The following PLCB1 variants were observed in gnomAD, a reference collection of about 807,000 sequenced individuals.
PLCB1 encodes phospholipase C beta 1.
A neutral mutation model predicts 161.8 loss-of-function variants in PLCB1; 46 were observed. The observed-to-expected ratio is 0.28, with a 90% CI of 0.22 to 0.36. The LOEUF (loss-of-function observed/expected upper bound fraction) is 0.36. Ranked by LOEUF, PLCB1 falls within the 10% of genes least tolerant of loss-of-function variation. The pLI is 1.00. For missense variants in PLCB1, 1,016 were observed against 1,472.5 expected (o/e 0.69, Z 5.07); for synonymous variants, 517 against 503.7 (o/e 1.03, Z -0.35).
At chr20:8,238,947 T>C (rs1198349631) in intron 2 of PLCB1, among the ~76,000 whole-genome samples, 2 of 151,462 alleles carry the variant, frequency 1.3e-5, no homozygotes, top group Non-Finnish European at 2.9e-5. Flanking sequence ...GAGTGTAGCA[T>C]CATTGGTCGA....
intron 27 of PLCB1, among the ~76,000 whole-genome samples, chr20:8,779,331 C>G (rs561665170): frequency 6.6e-6 from 1 of 151,818 alleles, no homozygotes; most frequent in Non-Finnish European, 1.5e-5. Context: ...GTATAATAAA[C>G]AGTACTAAGA....
chr20:8,478,113 C>T (rs1982356584), intron 3 of PLCB1, among the ~76,000 whole-genome samples: 1 of 152,138 alleles, frequency 6.6e-6, no homozygotes, highest in South Asian at 2.1e-4. Flanking sequence ...TGTTAATTTG[C>T]AGTGGTAGCA....
intron 31 of PLCB1, chr20:8,881,047 G>A (rs529577327): frequency 5.3e-4 from 86 of 161,812 alleles, no homozygotes; most frequent in Middle Eastern, 3.2e-3. Context: ...TTGTATTTTA[G>A]TAGGGATGGA....
chr20:8,346,590 A>G (rs979664330), intron 2 of PLCB1, among the ~76,000 whole-genome samples: 1 of 152,176 alleles, frequency 6.6e-6, no homozygotes. Context: ...TTAATCTTGT[A>G]TTTTGTTGTT....
intron 10 of PLCB1, among the ~76,000 whole-genome samples, chr20:8,685,470 T>C (rs2123400763): frequency 6.6e-6 from 1 of 150,632 alleles, no homozygotes; most frequent in South Asian, 2.1e-4. Context: ...ATGCTTGTAA[T>C]CCCAGCACTT....
At chr20:8,499,903 G>A (rs1983333793) in intron 3 of PLCB1, among the ~76,000 whole-genome samples, 1 of 152,176 alleles carries the variant, frequency 6.6e-6, no homozygotes, top group Non-Finnish European at 1.5e-5. Flanking sequence ...TGTTACTGCT[G>A]CCTTTGAGCT....
intron 2 of PLCB1, among the ~76,000 whole-genome samples, chr20:8,264,745 A>C (rs1981870062): frequency 6.6e-6 from 1 of 152,150 alleles, no homozygotes; most frequent in East Asian, 1.9e-4. Context: ...AGGTACACAC[A>C]CATATGTTCA....
intron 31 of PLCB1, among the ~76,000 whole-genome samples, chr20:8,800,455 A>G (rs1410074694): frequency 6.6e-6 from 1 of 152,154 alleles, no homozygotes; most frequent in Non-Finnish European, 1.5e-5. Context: ...ACACACACAC[A>G]TATACACAAT....
chr20:8,283,137 C>G (rs1457729693), intron 2 of PLCB1, among the ~76,000 whole-genome samples: 1 of 152,120 alleles, frequency 6.6e-6, no homozygotes, highest in Non-Finnish European at 1.5e-5. Context: ...CTGGACATTC[C>G]CAGAAGTGAC....
At chr20:8,292,690 A>G (rs1285223864) in intron 2 of PLCB1, among the ~76,000 whole-genome samples, 1 of 152,180 alleles carries the variant, frequency 6.6e-6, no homozygotes, top group Non-Finnish European at 1.5e-5. Context: ...GTCCTGCATA[A>G]TGCTATAATT....
chr20:8,163,697 C>T (rs1383256595), intron 2 of PLCB1, among the ~76,000 whole-genome samples: 1 of 152,154 alleles, frequency 6.6e-6, no homozygotes, highest in Non-Finnish European at 1.5e-5. Flanking sequence ...CCGACATACC[C>T]CCATGGCCAC....
At chr20:8,812,162 A>G (rs1984856292) in intron 31 of PLCB1, among the ~76,000 whole-genome samples, 2 of 152,296 alleles carry the variant, frequency 1.3e-5, no homozygotes, top group East Asian at 1.9e-4. Flanking sequence ...AGAACTCAGG[A>G]TAAGACATAG....
chr20:8,339,527 T>C (rs1040973785), intron 2 of PLCB1, among the ~76,000 whole-genome samples: 3 of 152,224 alleles, frequency 2.0e-5, no homozygotes, highest in Non-Finnish European at 4.4e-5. Context: ...AGTTACACCA[T>C]GCAGACTGGC....
chr20:8,314,157 A>G (rs1300545233), intron 2 of PLCB1, among the ~76,000 whole-genome samples: 3 of 152,184 alleles, frequency 2.0e-5, no homozygotes, highest in Non-Finnish European at 4.4e-5. Context: ...TCAGTCCATT[A>G]GTAACAGCTG....
chr20:8,378,675 G>T (rs1987169360), intron 3 of PLCB1, among the ~76,000 whole-genome samples: 1 of 152,154 alleles, frequency 6.6e-6, no homozygotes, highest in South Asian at 2.1e-4. Context: ...TGCAACATCA[G>T]TTGACTCTTC....
chr20:8,182,174 C>T (rs1281624410), intron 2 of PLCB1, among the ~76,000 whole-genome samples: 1 of 152,114 alleles, frequency 6.6e-6, no homozygotes, highest in African/African-American at 2.4e-5. Flanking sequence ...AGATATAAAA[C>T]CATGTGAACC....
chr20:8,580,718 CAT>C (rs1358377380), intron 3 of PLCB1, among the ~76,000 whole-genome samples: 1 of 152,182 alleles, frequency 6.6e-6, no homozygotes, highest in African/African-American at 2.4e-5. Flanking sequence ...TCAAGGAACT[CAT>C]AGTTTAATGA....
chr20:8,287,967 A>G (rs781529860), intron 2 of PLCB1, among the ~76,000 whole-genome samples: 3 of 152,182 alleles, frequency 2.0e-5, no homozygotes, highest in Non-Finnish European at 4.4e-5. Context: ...AGCTTATTAA[A>G]TGCCCTAGAG....
rs79334172 is a variant in PLCB1 at position 8,769,688 on chromosome 20, G to A, written c.2930+4330G>A. Among the ~76,000 whole-genome samples the A allele has an allele frequency of 5.5e-3, 830 of 152,228 alleles. 6 individuals are homozygous for A. Among genetic ancestry groups the A allele is most frequent in the African/African-American group, 0.019 (798 of 41,530 alleles). On this transcript the variant is annotated intron_variant, in intron 26 of 31. Coordinates refer to ENST00000338037, the MANE Select transcript of PLCB1 (RefSeq NM_015192.4). ...AGCTTGACTGATAATAATTGCCACTGAGAAATAAAATTTCATTCTTTAACT... is the reference window on the plus strand; with the variant it reads ...AGCTTGACTGATAATAATTGCCACTAAGAAATAAAATTTCATTCTTTAACT...
Sources: gnomAD v4.1 joint callset for allele counts (sites outside exome capture counted in the v4.1 genomes callset) on GRCh38, gnomAD v4.1.1 for gene constraint, MANE v1.5 for transcripts, NCBI Gene and HGNC (gene_info 2026-07-23, HGNC 2026-07-21) for gene names.